Variants in CNTNAP4 observed in about 807,000 individuals in gnomAD.
The protein encoded by CNTNAP4 is contactin-associated protein-like 4.
A neutral mutation model predicts 148.4 loss-of-function variants in CNTNAP4; 98 were observed. The ratio of observed to expected loss-of-function variants is 0.66; its 90% CI spans 0.56 to 0.78. The LOEUF is 0.78. Ranked by LOEUF, CNTNAP4 falls within the 30% of genes least tolerant of loss-of-function variation. CNTNAP4 has a pLI of 0.00. For missense variants in CNTNAP4, 1,935 were observed against 1,565.6 expected (o/e 1.24, Z -3.98); for synonymous variants, 730 against 565.1 (o/e 1.29, Z -4.14).
rs2143276106 is a variant in CNTNAP4, at chr16:76,453,926, A to T, written c.1333+1157A>T. Among the ~76,000 whole-genome samples the T allele has an allele frequency of 3.3e-5, 5 of 152,258 alleles. 1 individual carries two copies. In the South Asian group the frequency reaches 1.0e-3, roughly 32 times the overall value. ...GAAATAAATTAATGAGTCTCATATT[A>T]ATAATTAATAGGCCCTGAAAATGAA... is the stretch of plus-strand genomic sequence containing the variant. On this transcript the variant is annotated intron_variant, in intron 8 of 23. Coordinates refer to ENST00000611870, the MANE Select transcript of CNTNAP4 (RefSeq NM_033401.5).
Position 76,486,264 on chromosome 16 carries a change from T to C in CNTNAP4, c.1883-3422T>C, listed in dbSNP as rs530841326. Among the ~76,000 whole-genome samples, 3 of 152,170 alleles carry C rather than the reference T, an allele frequency of 2.0e-5. No individual in the cohort carries two copies. The East Asian group carries it at 5.8e-4, about 29-fold the overall frequency. Reference sequence around the variant, plus strand: ...GATAATTGGTAATAAAGTAAAATCATGATTCTCATACAGATATGAAAATAA... The same window carrying C: ...GATAATTGGTAATAAAGTAAAATCACGATTCTCATACAGATATGAAAATAA... On this transcript the variant is annotated intron_variant, in intron 12 of 23. Coordinates refer to ENST00000611870, the MANE Select transcript of CNTNAP4 (RefSeq NM_033401.5).
intron 13 of CNTNAP4, among the ~76,000 whole-genome samples, chr16:76,492,331 C>T (rs1597721744): frequency 2.6e-5 from 4 of 151,950 alleles, no homozygotes; most frequent in Admixed American, 2.6e-4. Context: ...AATCATTTCA[C>T]AGTGTATATC....
At chr16:76,472,927 C>T (rs1327647289) in intron 10 of CNTNAP4, among the ~76,000 whole-genome samples, 2 of 152,010 alleles carry the variant, frequency 1.3e-5, no homozygotes, top group East Asian at 3.9e-4. Flanking sequence ...TGGTAACAAA[C>T]CTGCTCATAA....
At chr16:76,428,037 A>G (rs2079474005) in intron 4 of CNTNAP4, among the ~76,000 whole-genome samples, 1 of 152,220 alleles carries the variant, frequency 6.6e-6, no homozygotes, top group African/African-American at 2.4e-5. Flanking sequence ...TAAAAACAAT[A>G]TCATGCAATT....
chr16:76,331,573 T>C (rs1446846626), intron 2 of CNTNAP4, among the ~76,000 whole-genome samples: 1 of 152,148 alleles, frequency 6.6e-6, no homozygotes, highest in African/African-American at 2.4e-5. Flanking sequence ...TGATCTATTT[T>C]GAATTAATAT....
rs535905223 is a variant in CNTNAP4 at position 76,434,804 on chromosome 16, T to C, written c.538+7205T>C. Among the ~76,000 whole-genome samples the C allele has an allele frequency of 1.5e-4, 23 of 152,300 alleles. No homozygotes were observed. The South Asian group carries it at 4.6e-3, about 30-fold the overall frequency. On this transcript the variant is annotated intron_variant, in intron 4 of 23. Coordinates refer to ENST00000611870, the MANE Select transcript of CNTNAP4 (RefSeq NM_033401.5). ...CTGCTAAGTATGTCTGTGCCAATTA[T>C]GCATCCTGGCACTGGGGAAATGACC...
At chr16:76,419,419 T>C (rs908535886) in intron 3 of CNTNAP4, among the ~76,000 whole-genome samples, 1 of 152,058 alleles carries the variant, frequency 6.6e-6, no homozygotes, top group African/African-American at 2.4e-5. Flanking sequence ...GGAGTCTTTT[T>C]CTAATCTTCA....
At chr16:76,281,803 C>T (rs951494638) in intron 1 of CNTNAP4, among the ~76,000 whole-genome samples, 3 of 151,322 alleles carry the variant, frequency 2.0e-5, no homozygotes, top group Admixed American at 6.6e-5. Context: ...CCATTTTTAG[C>T]TGAAAAAAAT....
intron 3 of CNTNAP4, among the ~76,000 whole-genome samples, chr16:76,414,664 T>C (rs558184354): frequency 1.9e-4 from 29 of 151,498 alleles, no homozygotes; most frequent in African/African-American, 6.7e-4. Flanking sequence ...TGCAATTTTC[T>C]GTGTGAATAT....
intron 4 of CNTNAP4, among the ~76,000 whole-genome samples, chr16:76,445,089 A>T (rs2080190710): frequency 6.6e-6 from 1 of 152,136 alleles, no homozygotes; most frequent in Non-Finnish European, 1.5e-5. Flanking sequence ...GAAAATGTCT[A>T]GGCCTCTTGA....
intron 6 of CNTNAP4, among the ~76,000 whole-genome samples, chr16:76,449,504 G>A (rs1383531488): frequency 6.6e-6 from 1 of 152,150 alleles, no homozygotes; most frequent in Non-Finnish European, 1.5e-5. Flanking sequence ...AAAGCCAGAT[G>A]TGATCAGCAA....
intron 2 of CNTNAP4, among the ~76,000 whole-genome samples, chr16:76,344,228 G>T (rs1416349948): frequency 6.6e-6 from 1 of 152,022 alleles, no homozygotes; most frequent in African/African-American, 2.4e-5. Flanking sequence ...GCTTATGTCT[G>T]TCCAGTTTGT....
At chr16:76,314,431 A>C (rs1469422754) in intron 1 of CNTNAP4, among the ~76,000 whole-genome samples, 1 of 152,224 alleles carries the variant, frequency 6.6e-6, no homozygotes, top group East Asian at 1.9e-4. Flanking sequence ...CACCCTTGGT[A>C]CAAATACTTG....
At chr16:76,554,859 G>T (rs1038761454) in intron 23 of CNTNAP4, among the ~76,000 whole-genome samples, 1 of 152,066 alleles carries the variant, frequency 6.6e-6, no homozygotes, top group Admixed American at 6.6e-5. Context: ...AACTTCTCAT[G>T]TGGCTTTCAG....
chr16:76,409,508 T>C (rs1381741521), intron 3 of CNTNAP4, among the ~76,000 whole-genome samples: 2 of 151,984 alleles, frequency 1.3e-5, no homozygotes, highest in South Asian at 4.1e-4. Flanking sequence ...ATTTAGGAAC[T>C]TCTGGTTGCT....
intron 11 of CNTNAP4, among the ~76,000 whole-genome samples, chr16:76,477,411 G>A (rs66958097): frequency 0.11 from 16,919 of 152,028 alleles, 1,080 homozygotes; most frequent in South Asian, 0.2. Context: ...AGAGTATAAG[G>A]TACAAAGCCA....
Position 76,437,524 on chromosome 16 carries a change from A to C in CNTNAP4, c.538+9925A>C, listed in dbSNP as rs542043229. ...CCAAAAGTGAAAATGTTTTAGTATC[A>C]AAAAGGATAGTAACTGCTAAGTTTT... On this transcript the variant is annotated intron_variant, in intron 4 of 23. Transcript: ENST00000611870. 3.6e-3 allele frequency among the ~76,000 whole-genome samples: 550 copies of C among 152,274 alleles called. 4 individuals carry two copies. Among genetic ancestry groups the C allele is most frequent in the African/African-American group, 0.013 (528 of 41,574 alleles).
Position 76,475,961 on chromosome 16 carries a change from C to A in CNTNAP4, c.1678C>A (p.His560Asn). The change falls in exon 11 of 24, where the codon CAC becomes AAC. Residue 560 changes from histidine to asparagine, a missense_variant. His to Asn is a moderately conservative substitution (Grantham distance 68). Transcript: ENST00000611870. ...TAGGTGTTTGCCCAACTATTGTGAA[C>A]ACGGTGGGGAGTGTTCCCAGTCCTG... ...SDRCLPNYCE[H>N]GGECSQSWST... 5 of 1,613,662 alleles carry A rather than the reference C, an allele frequency of 3.1e-6. No individual in the cohort carries two copies. The highest frequency in any genetic ancestry group is 4.2e-6 in the Non-Finnish European group (5 of 1,179,642).
chr16:76,323,668 C>T (rs1962666701), intron 2 of CNTNAP4, among the ~76,000 whole-genome samples: 1 of 152,094 alleles, frequency 6.6e-6, no homozygotes, highest in African/African-American at 2.4e-5. Flanking sequence ...TATTGCCCTC[C>T]CTCCTTGGCC....
Sources: allele counts gnomAD v4.1 joint callset (sites outside exome capture counted in the v4.1 genomes callset), GRCh38; gene constraint gnomAD v4.1.1; transcripts MANE v1.5; gene names NCBI Gene and HGNC (gene_info 2026-07-23, HGNC 2026-07-21).